Variants in SEMA5A observed in about 807,000 individuals in gnomAD.
SEMA5A encodes semaphorin-5A.
In SEMA5A, 55 loss-of-function variants were observed where a neutral mutation model predicts 135.5. The observed-to-expected ratio is 0.41, with a 90% CI of 0.33 to 0.51. SEMA5A has a LOEUF of 0.51. Ranked by LOEUF, SEMA5A falls within the 20% of genes least tolerant of loss-of-function variation. The pLI, the probability that SEMA5A is intolerant of heterozygous loss-of-function variation, is 0.37. For missense variants in SEMA5A, 1,290 were observed against 1,419.9 expected (o/e 0.91, Z 1.47); for synonymous variants, 580 against 546.5 (o/e 1.06, Z -0.85).
At chr5:9,093,469 G>A (rs1426952166) in intron 16 of SEMA5A, among the ~76,000 whole-genome samples, 1 of 152,168 alleles carries the variant, frequency 6.6e-6, no homozygotes, top group Non-Finnish European at 1.5e-5. Flanking sequence ...AGCACTTTGG[G>A]AGGCTGAGGC....
At chr5:9,398,323 G>T (rs901062243) in intron 2 of SEMA5A, among the ~76,000 whole-genome samples, 2 of 152,284 alleles carry the variant, frequency 1.3e-5, no homozygotes, top group South Asian at 4.1e-4. Flanking sequence ...AATGGAAGTC[G>T]GAGCTAAAGT....
At chr5:9,053,896 T>C (rs376815414) in intron 19 of SEMA5A, 191 bp downstream of exon 19, 34 of 550,606 alleles carry the variant, frequency 6.2e-5, no homozygotes, top group African/African-American at 5.6e-4. Context: ...TCTGAATCTA[T>C]AGCTCAGTGA....
At chr5:9,184,829 T>C (rs560166407) in intron 11 of SEMA5A, among the ~76,000 whole-genome samples, 2 of 152,334 alleles carry the variant, frequency 1.3e-5, no homozygotes, top group South Asian at 2.1e-4. Context: ...GGATGCCTTC[T>C]ATTCCATTTG....
chr5:9,306,605 C>A (rs1270441885), intron 5 of SEMA5A, among the ~76,000 whole-genome samples: 1 of 152,142 alleles, frequency 6.6e-6, no homozygotes, highest in African/African-American at 2.4e-5. Context: ...AAGTTACCTT[C>A]TGCTAACTTT....
chr5:9,137,446 A>T (rs74393588), intron 12 of SEMA5A, among the ~76,000 whole-genome samples: 1 of 152,308 alleles, frequency 6.6e-6, no homozygotes, highest in East Asian at 1.9e-4. Context: ...TACATTATAA[A>T]GACAAGCAAA....
intron 6 of SEMA5A, among the ~76,000 whole-genome samples, chr5:9,232,109 C>G (rs924108667): frequency 6.6e-6 from 1 of 152,164 alleles, no homozygotes; most frequent in Non-Finnish European, 1.5e-5. Flanking sequence ...ACACAAGGCC[C>G]CAGCCCCAGC....
chr5:9,281,042 C>A (rs1346453042), intron 5 of SEMA5A, among the ~76,000 whole-genome samples: 4 of 152,102 alleles, frequency 2.6e-5, no homozygotes, highest in Non-Finnish European at 4.4e-5. Flanking sequence ...AAACCATTAT[C>A]ATTCTTACTT....
chr5:9,385,982 A>G (rs1414769033), intron 2 of SEMA5A, among the ~76,000 whole-genome samples: 1 of 151,798 alleles, frequency 6.6e-6, no homozygotes, highest in Non-Finnish European at 1.5e-5. Flanking sequence ...TTGTTTTTTT[A>G]GTAGAGACAG....
At chr5:9,197,728 TTGTGTGTGTGTGTGTGTG>T (rs70943946) in intron 9 of SEMA5A, among the ~76,000 whole-genome samples, 3,254 of 59,226 alleles carry the variant, frequency 0.055, 96 homozygotes, top group Non-Finnish European at 0.062. Flanking sequence ...GGAAAGCTGT[TTGTGTGTGTGTGTGTGTG>T]TGTGTGTGTG....
chr5:9,127,300 C>G (rs938039339), intron 13 of SEMA5A, among the ~76,000 whole-genome samples: 1 of 152,082 alleles, frequency 6.6e-6, no homozygotes, highest in Non-Finnish European at 1.5e-5. Context: ...GATGCTAATC[C>G]ACCATGCTGA....
chr5:9,131,972 A>C (rs1231869816), intron 13 of SEMA5A, among the ~76,000 whole-genome samples: 2 of 152,196 alleles, frequency 1.3e-5, no homozygotes, highest in African/African-American at 4.8e-5. Flanking sequence ...GTTAAACAAC[A>C]TTATGATTTA....
At chr5:9,379,779 C>T (rs1300752258) in intron 3 of SEMA5A, 44 bp downstream of exon 3, 3 of 1,597,416 alleles carry the variant, frequency 1.9e-6, no homozygotes, top group Non-Finnish European at 2.6e-6. Context: ...ACAGAATGTG[C>T]ATTTAGATGA....
At chr5:9,197,510 T>A (rs1745461000) in intron 9 of SEMA5A, among the ~76,000 whole-genome samples, 3 of 152,172 alleles carry the variant, frequency 2.0e-5, no homozygotes, top group Admixed American at 2.0e-4. Flanking sequence ...ACCAGGCTAG[T>A]TAGCATTTAA....
intron 18 of SEMA5A, among the ~76,000 whole-genome samples, chr5:9,061,438 A>C (rs1737176350): frequency 6.6e-6 from 1 of 152,006 alleles, no homozygotes; most frequent in African/African-American, 2.4e-5. Context: ...CCCTGTCCTC[A>C]TGGAGCTTCA....
intron 5 of SEMA5A, among the ~76,000 whole-genome samples, chr5:9,269,739 T>C (rs1749870293): frequency 6.6e-6 from 1 of 152,170 alleles, no homozygotes; most frequent in Admixed American, 6.5e-5. Flanking sequence ...AATATCTATT[T>C]ATATTCTCTA....
In SEMA5A at chr5:9,079,514, C is replaced by T. The variant is rs115565384; in HGVS notation, c.2074-12868G>A. 7.6e-3 allele frequency among the ~76,000 whole-genome samples: 1,160 copies of T among 151,824 alleles called. 12 individuals carry two copies. Among genetic ancestry groups the T allele is most frequent in the African/African-American group, 0.027 (1,100 of 41,392 alleles). ...ACAATTAAAAGAGCTAGAGAAGCAA[C>T]AGCAAACACATTCAAAAGCAAGCAG... On this transcript the variant is annotated intron_variant, in intron 16 of 22. Coordinates refer to ENST00000382496, the MANE Select transcript of SEMA5A (RefSeq NM_003966.3).
intron 1 of SEMA5A, among the ~76,000 whole-genome samples, chr5:9,455,412 T>C (rs1389555832): frequency 6.6e-6 from 1 of 151,924 alleles, no homozygotes; most frequent in Non-Finnish European, 1.5e-5. Context: ...CTCGCCACCA[T>C]GCCCAGCTAA....
chr5:9,397,650 C>T (rs1756464467), intron 2 of SEMA5A, among the ~76,000 whole-genome samples: 1 of 152,134 alleles, frequency 6.6e-6, no homozygotes, highest in African/African-American at 2.4e-5. Flanking sequence ...TGTAAATTAG[C>T]ATGTATGATT....
chr5:9,076,891 T>C (rs1315003881), intron 16 of SEMA5A, among the ~76,000 whole-genome samples: 1 of 151,860 alleles, frequency 6.6e-6, no homozygotes, highest in Non-Finnish European at 1.5e-5. Context: ...TGTGTGTGTG[T>C]GTGTGTGTGT....
Sources: gnomAD v4.1 joint callset for allele counts (sites outside exome capture counted in the v4.1 genomes callset) on GRCh38, gnomAD v4.1.1 for gene constraint, MANE v1.5 for transcripts, NCBI Gene and HGNC (gene_info 2026-07-23, HGNC 2026-07-21) for gene names.